PDE4D: variants seen among roughly 807,000 people sequenced by gnomAD.
The protein encoded by PDE4D is phosphodiesterase 4D.
Under a neutral mutation model 87.4 loss-of-function variants are expected in PDE4D, and 24 were observed. The ratio of observed to expected loss-of-function variants is 0.27; its 90% CI spans 0.20 to 0.39. The LOEUF (loss-of-function observed/expected upper bound fraction) is 0.39. Among genes scored for constraint, PDE4D ranks in the 10% least tolerant of loss-of-function variants. The probability of loss-of-function intolerance (pLI) is 1.00; values close to 1 mark genes in which losing one functional copy is unlikely to be tolerated. For missense variants in PDE4D, 714 were observed against 1,041.0 expected, an observed-to-expected ratio of 0.69 and a Z score of 4.32; for synonymous variants, 384 against 383.2, an observed-to-expected ratio of 1.00 and a Z score of -0.02.
intron 1 of PDE4D, among the ~76,000 whole-genome samples, chr5:59,670,861 G>A (rs546923858): frequency 4.0e-5 from 6 of 151,572 alleles, no homozygotes; most frequent in South Asian, 2.1e-4. Context: ...AATAGATGGC[G>A]GTCTTGCTGT....
At chr5:59,779,065 G>A (rs550569740) in intron 1 of PDE4D, among the ~76,000 whole-genome samples, 1 of 152,076 alleles carries the variant, frequency 6.6e-6, no homozygotes, top group Non-Finnish European at 1.5e-5. Context: ...GGGAGGCTGA[G>A]GCATGAGAAT....
chr5:60,053,748 C>G (rs1280174632), intron 2 of PDE4D, among the ~76,000 whole-genome samples: 1 of 152,046 alleles, frequency 6.6e-6, no homozygotes, highest in Non-Finnish European at 1.5e-5. Flanking sequence ...AGTGAACAGG[C>G]AAACTACAGA....
intron 5 of PDE4D, among the ~76,000 whole-genome samples, chr5:59,089,710 T>C (rs1274527909): frequency 6.6e-6 from 1 of 152,184 alleles, no homozygotes; most frequent in Non-Finnish European, 1.5e-5. Context: ...ACCAGATTTT[T>C]AATCTTAAAT....
intron 2 of PDE4D, among the ~76,000 whole-genome samples, chr5:59,995,436 A>C (rs1396712412): frequency 6.6e-6 from 1 of 150,754 alleles, no homozygotes; most frequent in Non-Finnish European, 1.5e-5. Flanking sequence ...CTTCTGCCTC[A>C]GCCTCCCAAG....
At chr5:59,588,511 C>T (rs1458756772) in intron 1 of PDE4D, among the ~76,000 whole-genome samples, 1 of 152,142 alleles carries the variant, frequency 6.6e-6, no homozygotes, top group Non-Finnish European at 1.5e-5. Flanking sequence ...TTTAATATAA[C>T]ATGCTATTAT....
chr5:60,226,535 T>G (rs1305173321), intron 1 of PDE4D, among the ~76,000 whole-genome samples: 1 of 152,118 alleles, frequency 6.6e-6, no homozygotes, highest in East Asian at 1.9e-4. Context: ...TGCCTTGAAA[T>G]GCAGACATTT....
At chr5:59,850,570 T>A (rs1017326508) in intron 1 of PDE4D, among the ~76,000 whole-genome samples, 13 of 152,054 alleles carry the variant, frequency 8.5e-5, no homozygotes, top group Admixed American at 6.6e-4. Context: ...TTGCTTAGGA[T>A]GTTTTGGGGA....
At chr5:59,763,348 A>T (rs1762407182) in intron 1 of PDE4D, among the ~76,000 whole-genome samples, 1 of 151,994 alleles carries the variant, frequency 6.6e-6, no homozygotes, top group African/African-American at 2.4e-5. Flanking sequence ...AAAATAAAAA[A>T]AAATCTGAGT....
At chr5:59,729,855 G>C (rs534967001) in intron 1 of PDE4D, among the ~76,000 whole-genome samples, 1 of 152,164 alleles carries the variant, frequency 6.6e-6, no homozygotes, top group South Asian at 2.1e-4. Flanking sequence ...TTGTAACCAT[G>C]AAACCAACTT....
At chr5:59,254,289 G>T (rs1042176493) in intron 1 of PDE4D, among the ~76,000 whole-genome samples, 1 of 151,968 alleles carries the variant, frequency 6.6e-6, no homozygotes, top group African/African-American at 2.4e-5. Context: ...CAATCCCAAG[G>T]TTCACTCAGA....
At chr5:59,059,471 TACG>T (rs1349583382) in intron 5 of PDE4D, among the ~76,000 whole-genome samples, 1 of 152,206 alleles carries the variant, frequency 6.6e-6, no homozygotes, top group East Asian at 1.9e-4. Context: ...GGACTCTCTC[TACG>T]ACAAGGTCAG....
chr5:59,528,283 G>A (rs947006239), intron 1 of PDE4D, among the ~76,000 whole-genome samples: 2 of 152,204 alleles, frequency 1.3e-5, no homozygotes, highest in East Asian at 3.8e-4. Context: ...GGAAAAGGGT[G>A]TAGTTTGGGA....
chr5:60,414,356 C>T (rs1387865187), intron 1 of PDE4D, among the ~76,000 whole-genome samples: 7 of 152,208 alleles, frequency 4.6e-5, no homozygotes, highest in African/African-American at 1.7e-4. Flanking sequence ...TCATAAAACT[C>T]TATTAAGATT....
At chr5:60,191,990 A>C (rs1316098012) in intron 1 of PDE4D, among the ~76,000 whole-genome samples, 1 of 152,036 alleles carries the variant, frequency 6.6e-6, no homozygotes, top group Non-Finnish European at 1.5e-5. Flanking sequence ...GCAGAGTGAG[A>C]CTCCATCTCA....
intron 1 of PDE4D, among the ~76,000 whole-genome samples, chr5:60,225,339 A>T (rs1744964529): frequency 1.3e-5 from 2 of 151,976 alleles, no homozygotes; most frequent in African/African-American, 4.8e-5. Flanking sequence ...GACCATTAAT[A>T]AACGTTTTTT....
intron 1 of PDE4D, among the ~76,000 whole-genome samples, chr5:59,497,502 CT>C (rs1363151394): frequency 6.6e-6 from 1 of 152,036 alleles, no homozygotes; most frequent in Admixed American, 6.6e-5. Flanking sequence ...CCAAACACAA[CT>C]TCTGGAATTG....
At chr5:59,126,181 G>A (rs1404161931) in intron 5 of PDE4D, among the ~76,000 whole-genome samples, 2 of 148,768 alleles carry the variant, frequency 1.3e-5, no homozygotes. Context: ...AAGGAAAAAA[G>A]GAAGAAAGGA....
At chr5:59,740,573 T>A (rs1190920599) in intron 1 of PDE4D, among the ~76,000 whole-genome samples, 1 of 152,176 alleles carries the variant, frequency 6.6e-6, no homozygotes, top group Non-Finnish European at 1.5e-5. Context: ...AGATTTTATA[T>A]GAGACTTCGG....
intron 1 of PDE4D, among the ~76,000 whole-genome samples, chr5:59,765,783 A>C (rs937936280): frequency 1.4e-4 from 21 of 152,194 alleles, no homozygotes; most frequent in African/African-American, 5.1e-4. Flanking sequence ...ATAAAAATTC[A>C]CTGTGTCAAT....
Sources: gnomAD v4.1 joint callset for allele counts (sites outside exome capture counted in the v4.1 genomes callset) on GRCh38, gnomAD v4.1.1 for gene constraint, MANE v1.5 for transcripts, NCBI Gene and HGNC (gene_info 2026-07-23, HGNC 2026-07-21) for gene names.